MYO1H: variants seen among roughly 807,000 people sequenced by gnomAD.
MYO1H encodes unconventional myosin-Ih.
Under a neutral mutation model 149.3 loss-of-function variants are expected in MYO1H, and 118 were observed. The observed-to-expected ratio is 0.79, with a 90% CI of 0.68 to 0.92. The LOEUF is 0.92. Ranked by LOEUF, MYO1H falls within the 40% of genes least tolerant of loss-of-function variation. MYO1H has a pLI of 0.00. For synonymous variants in MYO1H, 447 were observed against 465.2 expected, an observed-to-expected ratio of 0.96 and a Z score of 0.50; for missense variants, 1,212 against 1,280.7, an observed-to-expected ratio of 0.95 and a Z score of 0.82.
chr12:109,435,603 C>T (rs1025986711), intron 21 of MYO1H, among the ~76,000 whole-genome samples: 7 of 152,176 alleles, frequency 4.6e-5, no homozygotes, highest in African/African-American at 1.4e-4. Context: ...TCAAGAACTA[C>T]GCTTGAGTCA....
chr12:109,419,212 ACACACT>A (rs1357867041), intron 15 of MYO1H, among the ~76,000 whole-genome samples: 128 of 152,004 alleles, frequency 8.4e-4, no homozygotes, highest in African/African-American at 2.9e-3. Flanking sequence ...ACACACACAC[ACACACT>A]CACTCATACT....
chr12:109,438,633 GTACAACA>G lies in MYO1H; in HGVS notation c.2294+14_2294+20del, dbSNP rs202122813. On this transcript the variant is annotated intron_variant, in intron 23 of 31. Coordinates refer to ENST00000310903, the Ensembl canonical transcript of MYO1H. ...GGATTATCAGAAAGTAAGTTCTCAG[GTACAACA>G]GAGAGGACAGGTCACTAAATGCTGG... 4,088 of 1,595,946 alleles carry G rather than the reference GTACAACA, an allele frequency of 2.6e-3. 100 individuals are homozygous for G. The African/African-American group carries it at 0.049, about 19-fold the overall frequency.
At chr12:109,396,354 G>A (rs768130131) in intron 3 of MYO1H, 30 bp from the exon 4 acceptor site, 18 of 1,564,696 alleles carry the variant, frequency 1.2e-5, no homozygotes, top group East Asian at 4.5e-5. Flanking sequence ...CCATTAAAAC[G>A]AATTTGTTTC....
chr12:109,428,576 C>T (rs1021608110), intron 19 of MYO1H, among the ~76,000 whole-genome samples: 1 of 152,196 alleles, frequency 6.6e-6, no homozygotes, highest in Admixed American at 6.5e-5. Context: ...CACTCTCAAG[C>T]ATAATAAATG....
At chr12:109,357,091 A>G (rs929373371) in intron 1 of MYO1H, 1 of 150,150 alleles carries the variant, frequency 6.7e-6, no homozygotes, top group Non-Finnish European at 1.5e-5. Flanking sequence ...CCATCTGGTC[A>G]TTGAACAAAA....
chr12:109,346,652 C>T (rs939547046), upstream of MYO1H, among the ~76,000 whole-genome samples: 2 of 151,736 alleles, frequency 1.3e-5, no homozygotes, highest in Non-Finnish European at 1.5e-5. Context: ...ATCCCAGCTA[C>T]TCAGGAGGCT....
chr12:109,440,345 CT>C (rs1872066023), intron 24 of MYO1H, among the ~76,000 whole-genome samples: 2 of 152,104 alleles, frequency 1.3e-5, no homozygotes, highest in Admixed American at 1.3e-4. Flanking sequence ...CGACAGAGTA[CT>C]TTCGAATCAT....
the MYO1H span, among the ~76,000 whole-genome samples, chr12:109,317,359 C>T: frequency 2.0e-5 from 3 of 152,220 alleles, no homozygotes; most frequent in South Asian, 6.2e-4. Flanking sequence ...TGTCTCATTA[C>T]CCAATTGTTC....
chr12:109,432,807 A>C, intron 19 of MYO1H, 90 bp from the exon 20 acceptor site: 1 of 1,009,234 alleles, frequency 9.9e-7, no homozygotes, highest in South Asian at 1.3e-5. Context: ...ATGCCACAGC[A>C]GTGCTCAGCA....
chr12:109,369,084 T>A (rs887708290), intron 1 of MYO1H, among the ~76,000 whole-genome samples: 2 of 151,716 alleles, frequency 1.3e-5, no homozygotes, highest in African/African-American at 4.8e-5. Context: ...GCCTCCTGGG[T>A]TCAAGCAATT....
chr12:109,380,182 A>G (rs1869174386), intron 1 of MYO1H, among the ~76,000 whole-genome samples: 1 of 152,146 alleles, frequency 6.6e-6, no homozygotes, highest in Non-Finnish European at 1.5e-5. Context: ...CATGACAGCC[A>G]CCGCACCCAG....
At chr12:109,441,504 A>C in intron 25 of MYO1H, 111 bp from the exon 26 acceptor site, 1 of 636,464 alleles carries the variant, frequency 1.6e-6, no homozygotes, top group Admixed American at 3.5e-5. Context: ...CAGGGTAACA[A>C]GGCTCCCACA....
rs571186912 is a variant in MYO1H, at chr12:109,362,224, A to C, written c.12+14252A>C. Among the ~76,000 whole-genome samples, 27 of 152,300 alleles carry C rather than the reference A, an allele frequency of 1.8e-4. No homozygotes were observed. In the East Asian group the frequency reaches 5.2e-3, roughly 29 times the overall value. ...AAACATGAGCTGTGTGTCCTTGATT[A>C]TTTTATTGAGAGAAGGCAGGACTCC... On this transcript the variant is annotated intron_variant, in intron 1 of 31. Transcript: ENST00000310903.
intron 1 of MYO1H, among the ~76,000 whole-genome samples, chr12:109,370,194 G>T (rs975040119): frequency 1.3e-5 from 2 of 152,166 alleles, no homozygotes; most frequent in Admixed American, 6.5e-5. Context: ...GCCCATTTCT[G>T]TCTTGCCAAT....
chr12:109,392,372 CT>C (rs1261483368), intron 2 of MYO1H, among the ~76,000 whole-genome samples: 1 of 152,192 alleles, frequency 6.6e-6, no homozygotes, highest in Non-Finnish European at 1.5e-5. Flanking sequence ...TTCCTGCCTA[CT>C]TTGTTTACAG....
In MYO1H at chr12:109,435,238, G is replaced by A. The variant is rs1592817665; in HGVS notation, c.2140+125G>A. On this transcript the variant is annotated intron_variant, in intron 21 of 31. Transcript: ENST00000310903. ...AGCATTCGCTTTGGAAACTAGGAAC[G>A]AGATATGGGATTATGATAAGATCCC... 7 of 615,578 alleles carry A rather than the reference G, an allele frequency of 1.1e-5. No homozygotes were observed. In the East Asian group the frequency reaches 1.1e-4, roughly 10 times the overall value. The allele number at this position is 615,578 out of a possible 1,614,324, so 38.1% of individuals were successfully genotyped here. A position where few individuals can be genotyped will look rare whatever the true frequency, so the allele number is the denominator to read the frequency against.
At chr12:109,340,610 T>C in the MYO1H span, among the ~76,000 whole-genome samples, 1 of 152,190 alleles carries the variant, frequency 6.6e-6, no homozygotes, top group African/African-American at 2.4e-5. Context: ...TATAAAATCA[T>C]ACAGTAAAAG....
chr12:109,425,618 A>G lies in MYO1H; in HGVS notation c.1726-328A>G, dbSNP rs1331932943. Among the ~76,000 whole-genome samples, 7 of 152,330 alleles carry G rather than the reference A, an allele frequency of 4.6e-5. No individual in the cohort carries two copies. In the East Asian group the frequency reaches 1.3e-3, roughly 29 times the overall value. ...AGCATCATGAAGGACACGTGTCAAC[A>G]AAGAAACACAAAGGAAGGTGGAAGA... On this transcript the variant is annotated intron_variant, in intron 17 of 31. Transcript: ENST00000310903.
the MYO1H span, among the ~76,000 whole-genome samples, chr12:109,312,939 A>G: frequency 1.2e-4 from 18 of 151,894 alleles, no homozygotes; most frequent in Admixed American, 1.2e-3. Flanking sequence ...ATATTTTCTT[A>G]TAAGAAAGTT....
Sources: gnomAD v4.1 joint callset for allele counts (sites outside exome capture counted in the v4.1 genomes callset) on GRCh38, gnomAD v4.1.1 for gene constraint, MANE v1.5 for transcripts, NCBI Gene and HGNC (gene_info 2026-07-23, HGNC 2026-07-21) for gene names.